Variants in CAMK2D observed in about 807,000 individuals in gnomAD.
CAMK2D encodes calcium/calmodulin-dependent protein kinase type II subunit delta.
In CAMK2D, 37 loss-of-function variants were observed where a neutral mutation model predicts 84.0. The ratio of observed to expected loss-of-function variants is 0.44; its 90% CI spans 0.34 to 0.58. CAMK2D has a LOEUF of 0.58. Among genes scored for constraint, CAMK2D ranks in the 20% least tolerant of loss-of-function variants. CAMK2D has a pLI of 0.02. For synonymous variants in CAMK2D, 202 were observed against 212.5 expected (o/e 0.95, Z 0.43); for missense variants, 448 against 652.5 (o/e 0.69, Z 3.41).
intron 7 of CAMK2D, among the ~76,000 whole-genome samples, chr4:113,536,628 T>C (rs907509998): frequency 3.3e-5 from 5 of 152,040 alleles, no homozygotes; most frequent in Admixed American, 6.6e-5. Flanking sequence ...GGGTTGGATA[T>C]TGGAAAATGG....
chr4:113,746,017 T>C (rs1334733153), intron 2 of CAMK2D, among the ~76,000 whole-genome samples: 5 of 152,198 alleles, frequency 3.3e-5, no homozygotes, highest in Non-Finnish European at 7.4e-5. Flanking sequence ...AATTAGGAAA[T>C]GTCTGAAGGT....
chr4:113,729,447 A>T (rs891023418), intron 2 of CAMK2D, among the ~76,000 whole-genome samples: 2 of 152,194 alleles, frequency 1.3e-5, no homozygotes, highest in Non-Finnish European at 2.9e-5. Context: ...TTGTTCTTCC[A>T]GCATGGCAAA....
At chr4:113,593,770 C>T (rs1316362246) in intron 4 of CAMK2D, among the ~76,000 whole-genome samples, 2 of 152,178 alleles carry the variant, frequency 1.3e-5, no homozygotes, top group Non-Finnish European at 2.9e-5. Flanking sequence ...TTCTACCCAG[C>T]TGTACCCTTA....
intron 4 of CAMK2D, among the ~76,000 whole-genome samples, chr4:113,596,614 G>T (rs76164397): frequency 6.6e-6 from 1 of 152,142 alleles, no homozygotes; most frequent in Non-Finnish European, 1.5e-5. Flanking sequence ...CTCCGTCAGA[G>T]CTCTTGGGCA....
At chr4:113,702,217 C>A (rs540537949) in intron 2 of CAMK2D, among the ~76,000 whole-genome samples, 7 of 152,268 alleles carry the variant, frequency 4.6e-5, no homozygotes, top group Admixed American at 6.5e-5. Context: ...ATGCTAGAGG[C>A]TAAGGTCCAT....
At chr4:113,759,533 C>A in intron 1 of CAMK2D, 119 bp from the exon 2 acceptor site, 1 of 491,984 alleles carries the variant, frequency 2.0e-6, no homozygotes, top group Non-Finnish European at 3.5e-6. Flanking sequence ...CAGTAATATC[C>A]AGTAAATGAA....
intron 13 of CAMK2D, among the ~76,000 whole-genome samples, chr4:113,507,255 T>C (rs2098140342): frequency 6.6e-6 from 1 of 152,014 alleles, no homozygotes; most frequent in South Asian, 2.1e-4. Flanking sequence ...AAATGTCTTT[T>C]TTTTTTTTCT....
intron 2 of CAMK2D, among the ~76,000 whole-genome samples, chr4:113,722,680 T>C (rs1481493297): frequency 6.6e-6 from 1 of 152,110 alleles, no homozygotes; most frequent in African/African-American, 2.4e-5. Context: ...CAAGTGGAAG[T>C]GTCCTGGGCA....
intron 4 of CAMK2D, among the ~76,000 whole-genome samples, chr4:113,587,403 A>G (rs201874960): frequency 2.0e-5 from 3 of 152,204 alleles, no homozygotes; most frequent in Non-Finnish European, 4.4e-5. Context: ...ATTTGTGACT[A>G]TGGCTTTTTA....
At chr4:113,756,632 C>T (rs2099629201) in intron 2 of CAMK2D, among the ~76,000 whole-genome samples, 1 of 151,986 alleles carries the variant, frequency 6.6e-6, no homozygotes, top group Non-Finnish European at 1.5e-5. Flanking sequence ...TAAGACATAT[C>T]CTCTTAATAT....
At chr4:113,454,954 A>G (rs2097287897) in intron 20 of CAMK2D, among the ~76,000 whole-genome samples, 1 of 152,214 alleles carries the variant, frequency 6.6e-6, no homozygotes, top group South Asian at 2.1e-4. Flanking sequence ...TCAATTTAAC[A>G]AGGAATATAG....
intron 3 of CAMK2D, among the ~76,000 whole-genome samples, chr4:113,617,709 A>T (rs550382174): frequency 2.7e-5 from 4 of 150,378 alleles, no homozygotes; most frequent in African/African-American, 4.8e-5. Context: ...TATGTTGCTG[A>T]GGCTGGCCTC....
At chr4:113,690,543 T>C (rs2099384281) in intron 2 of CAMK2D, among the ~76,000 whole-genome samples, 2 of 152,198 alleles carry the variant, frequency 1.3e-5, no homozygotes, top group Non-Finnish European at 2.9e-5. Flanking sequence ...TATTTAATTA[T>C]ACATTTTATT....
chr4:113,466,089 T>C (rs1399060804), intron 16 of CAMK2D, among the ~76,000 whole-genome samples: 1 of 148,826 alleles, frequency 6.7e-6, no homozygotes, highest in Non-Finnish European at 1.5e-5. Context: ...TCATCTCTAC[T>C]GAAAAAAAAA....
chr4:113,577,510 T>G lies in CAMK2D; in HGVS notation c.276-25414A>C, dbSNP rs558556130. Among the ~76,000 whole-genome samples the G allele has an allele frequency of 7.9e-5, 12 of 152,298 alleles. No individual in the cohort carries two copies. In the South Asian group the frequency reaches 2.3e-3, roughly 29 times the overall value. ...TGATCATAAGTCTTCTCACTGTCACTAATTACATAATCAGTACTGTTTATC... is the reference window on the plus strand; with the variant it reads ...TGATCATAAGTCTTCTCACTGTCACGAATTACATAATCAGTACTGTTTATC... On this transcript the variant is annotated intron_variant, in intron 4 of 20. Coordinates refer to ENST00000511664, the MANE Select transcript of CAMK2D (RefSeq NM_001321571.2).
At chr4:113,698,221 TA>T (rs1296794453) in intron 2 of CAMK2D, among the ~76,000 whole-genome samples, 2 of 152,092 alleles carry the variant, frequency 1.3e-5, no homozygotes, top group African/African-American at 4.8e-5. Context: ...TTAATCAAAT[TA>T]CAGTTTCTAT....
intron 3 of CAMK2D, among the ~76,000 whole-genome samples, chr4:113,611,086 TA>T (rs2098998475): frequency 6.6e-6 from 1 of 151,566 alleles, no homozygotes; most frequent in Non-Finnish European, 1.5e-5. Flanking sequence ...ACAATGTATA[TA>T]AATAAAATAA....
chr4:113,578,805 T>A (rs1245685423), intron 4 of CAMK2D, among the ~76,000 whole-genome samples: 2 of 152,138 alleles, frequency 1.3e-5, no homozygotes, highest in African/African-American at 4.8e-5. Flanking sequence ...AGTAAAAAAA[T>A]CCACATCTAA....
intron 12 of CAMK2D, among the ~76,000 whole-genome samples, chr4:113,511,152 C>A (rs2098207758): frequency 6.6e-6 from 1 of 151,980 alleles, no homozygotes. Flanking sequence ...AAAATAAAAA[C>A]AACAACTTTA....
Sources: gnomAD v4.1 joint callset for allele counts (sites outside exome capture counted in the v4.1 genomes callset) on GRCh38, gnomAD v4.1.1 for gene constraint, MANE v1.5 for transcripts, NCBI Gene and HGNC (gene_info 2026-07-23, HGNC 2026-07-21) for gene names.